The following NUDT19 variants were observed in gnomAD, a reference collection of about 807,000 sequenced individuals.
NUDT19 encodes the protein acyl-coenzyme A diphosphatase NUDT19.
In NUDT19, 31 loss-of-function variants were observed where a neutral mutation model predicts 22.2. That is an observed-to-expected ratio of 1.40 (90% CI 1.05 to 1.89). The LOEUF (loss-of-function observed/expected upper bound fraction) is 1.89. NUDT19 is among the 40% of genes most tolerant of loss of function. NUDT19 has a pLI of 0.00. For missense variants in NUDT19, 752 were observed against 514.2 expected, an observed-to-expected ratio of 1.46 and a Z score of -4.47; for synonymous variants, 325 against 230.8, an observed-to-expected ratio of 1.41 and a Z score of -3.70.
chr19:32,692,174 C>A lies in NUDT19; in HGVS notation c.214C>A (p.Arg72Ser), dbSNP rs758690356. The part of the protein sequence containing the change: ...FSGGVLDAAD[R>S]SADWLGLFAP... ...CGGCGGAGTGCTGGATGCGGCCGAC[C>A]GCTCGGCGGACTGGCTGGGCCTCTT... is the stretch of plus-strand genomic sequence containing the variant. The change falls in exon 1 of 3, where the codon CGC becomes AGC. Residue 72 changes from arginine (R) to serine (S), a missense_variant. Physicochemically the swap from Arg to Ser is moderately radical, Grantham distance 110. Transcript: ENST00000397061. The A allele has an allele frequency of 1.3e-6, 2 of 1,542,124 alleles. No individual in the cohort carries two copies. Among genetic ancestry groups the A allele is most frequent in the African/African-American group, 1.4e-5 (1 of 70,616 alleles).
chr19:32,692,732 C>A (rs1434992017), intron 1 of NUDT19, 58 bp downstream of exon 1: 1 of 1,309,142 alleles, frequency 7.6e-7, no homozygotes, highest in East Asian at 2.9e-5. Flanking sequence ...GAGGACCCCT[C>A]CCAGCGGCCC....
In NUDT19 at chr19:32,692,013, T is replaced by A; in HGVS notation, c.53T>A (p.Ile18Asn). The A allele has an allele frequency of 8.0e-7, 1 of 1,250,270 alleles. No individual in the cohort carries two copies. The highest frequency in any genetic ancestry group is 1.0e-6 in the Non-Finnish European group (1 of 1,001,378). The allele number at this position is 1,250,270 out of a possible 1,614,324, so 77.4% of individuals were successfully genotyped here. ...GPSRWRRAAS[I>N]VLAAGWSRPE... The stretch of plus-strand genomic sequence containing the variant: ...AGCCGCTGGCGGCGGGCGGCCAGCA[T>A]CGTCCTGGCGGCTGGCTGGTCGCGC... The change falls in exon 1 of 3, where the codon ATC (isoleucine) becomes AAC (asparagine). Residue 18 changes from isoleucine to asparagine, a missense_variant. Coordinates refer to ENST00000397061, the MANE Select transcript of NUDT19 (RefSeq NM_001105570.2).
chr19:32,706,651 C>G (rs1444915335), intron 1 of NUDT19, among the ~76,000 whole-genome samples: 1 of 152,076 alleles, frequency 6.6e-6, no homozygotes, highest in African/African-American at 2.4e-5. Flanking sequence ...CCATTGCACT[C>G]CAGCCTGGGT....
chr19:32,709,144 A>G (rs1275832395), intron 1 of NUDT19, 41 bp from the exon 2 acceptor site: 6 of 1,369,936 alleles, frequency 4.4e-6, no homozygotes, highest in African/African-American at 2.9e-5. Flanking sequence ...CACATTGTCT[A>G]TGGCATAAAC....
chr19:32,709,400 A>G lies in NUDT19; in HGVS notation c.922+8A>G, dbSNP rs764283184. The G allele has an allele frequency of 6.2e-7, 1 of 1,612,112 alleles. No individual in the cohort carries two copies. Among genetic ancestry groups the G allele is most frequent in the East Asian group, 2.2e-5 (1 of 44,862 alleles). ...TGGTCCATCTTTTACCAGGTAAACC[A>G]GTGAAGCATCGGTGCTTTTGTTAGT... is the stretch of plus-strand genomic sequence containing the variant. On this transcript the variant is annotated splice_region_variant and intron_variant, in intron 2 of 2. Transcript: ENST00000397061.
chr19:32,700,309 T>C (rs1968320813), intron 1 of NUDT19, among the ~76,000 whole-genome samples: 1 of 152,244 alleles, frequency 6.6e-6, no homozygotes, highest in Non-Finnish European at 1.5e-5. Flanking sequence ...TGCTAATTGG[T>C]GTATTTACAA....
At position 32,701,199 on chromosome 19, in the gene NUDT19, GT is replaced by G. The variant is rs3042685; in HGVS notation, c.715-7962del. Among the ~76,000 whole-genome samples the G allele has an allele frequency of 7.0e-3, 709 of 100,986 alleles. 3 individuals carry two copies. Among genetic ancestry groups the G allele is most frequent in the African/African-American group, 0.023 (569 of 25,254 alleles). The allele number at this position is 100,986 out of a possible 152,430, so 66.3% of individuals were successfully genotyped here. The stretch of plus-strand genomic sequence containing the variant: ...TTGAGTTGTTCATAGCATCTTGCAG[GT>G]TTTTTTTTTTTTTTTTTTTTTTTGA... On this transcript the variant is annotated intron_variant, in intron 1 of 2. Transcript: ENST00000397061.
rs1484881931 is a variant in NUDT19, at chr19:32,692,310, C to G, written c.350C>G (p.Thr117Arg). 15 of 1,593,036 alleles carry G rather than the reference C, an allele frequency of 9.4e-6. No individual in the cohort carries two copies. The highest frequency in any genetic ancestry group is 1.3e-5 in the Non-Finnish European group (15 of 1,177,712). The change falls in exon 1 of 3, where the codon ACG (threonine) becomes AGG (arginine). Residue 117 changes from threonine (T) to arginine (R), a missense_variant. Coordinates refer to ENST00000397061, the MANE Select transcript of NUDT19 (RefSeq NM_001105570.2). The stretch of plus-strand genomic sequence containing the variant: ...GACCACAAGACCGACAACACTGGGA[C>G]GCTGCCTGAGGACGTAGCCTTCCGC... ...TDDHKTDNTGTLPEDVAFRIC... is the reference protein window; with the variant it reads ...TDDHKTDNTGRLPEDVAFRIC...
chr19:32,705,898 C>T (rs528801086), intron 1 of NUDT19, among the ~76,000 whole-genome samples: 2 of 152,068 alleles, frequency 1.3e-5, no homozygotes, highest in Non-Finnish European at 2.9e-5. Flanking sequence ...AGCTGCACTT[C>T]TAAATGTATG....
chr19:32,709,097 G>T, intron 1 of NUDT19, 88 bp from the exon 2 acceptor site: 1 of 860,756 alleles, frequency 1.2e-6, no homozygotes, highest in South Asian at 1.4e-5. Context: ...TACACATTCA[G>T]TTCTACCTTA....
chr19:32,692,006 G>A lies in NUDT19; in HGVS notation c.46G>A (p.Ala16Thr). Residue 16 changes from alanine (A) to threonine (T), a missense_variant, in exon 1 of 3, where the codon GCC becomes ACC. Transcript: ENST00000397061. ...GGGCCCCAGCCGCTGGCGGCGGGCG[G>A]CCAGCATCGTCCTGGCGGCTGGCTG... ...RPGPSRWRRA[A>T]SIVLAAGWSR... 1 of 1,244,268 alleles carries A rather than the reference G, an allele frequency of 8.0e-7. No homozygotes were observed. Among genetic ancestry groups the A allele is most frequent in the Non-Finnish European group, 1.0e-6 (1 of 997,474 alleles). The allele number at this position is 1,244,268 out of a possible 1,614,324, so 77.1% of individuals were successfully genotyped here. A position where few individuals can be genotyped will look rare whatever the true frequency, so the allele number is the denominator to read the frequency against.
Position 32,707,908 on chromosome 19 carries a change from G to A in NUDT19, c.715-1277G>A, listed in dbSNP as rs560284507. 2.0e-5 allele frequency among the ~76,000 whole-genome samples: 3 copies of A among 151,632 alleles called. No homozygotes were observed. The South Asian group carries it at 6.3e-4, about 32-fold the overall frequency. On this transcript the variant is annotated intron_variant, in intron 1 of 2. Transcript: ENST00000397061. ...CAGGAGAATGGCATGAACCCAGGAGGCAGAGCTTGCAGTGAGCTGAGATCA... is the reference window on the plus strand; with the variant it reads ...CAGGAGAATGGCATGAACCCAGGAGACAGAGCTTGCAGTGAGCTGAGATCA...
chr19:32,709,355 C>A lies in NUDT19; in HGVS notation c.885C>A (p.Ile295=), dbSNP rs527537163. The A allele has an allele frequency of 6.2e-7, 1 of 1,614,188 alleles. No individual in the cohort carries two copies. Among genetic ancestry groups the A allele is most frequent in the East Asian group, 2.2e-5 (1 of 44,886 alleles). Residue 295 remains isoleucine, a synonymous_variant, in exon 2 of 3, where the codon ATC becomes ATA. Coordinates refer to ENST00000397061, the MANE Select transcript of NUDT19 (RefSeq NM_001105570.2). The part of the protein sequence containing the change: ...LEGLERWLPI[I]LLTADGMVHL... ...GACTGGAAAGGTGGCTGCCGATCAT[C>A]TTGTTAACTGCTGATGGGATGGTCC...
chr19:32,696,067 C>T (rs1042707440), intron 1 of NUDT19, among the ~76,000 whole-genome samples: 15 of 152,118 alleles, frequency 9.9e-5, no homozygotes, highest in Admixed American at 2.0e-4. Context: ...TCCTTTCAGG[C>T]GGCATAAGTC....
chr19:32,692,485 G>A lies in NUDT19; in HGVS notation c.525G>A (p.Pro175=), dbSNP rs569908996. ...GGCGCGACCGCGTGCGCCAGGACCC[G>A]CGCCACTTCCTGCGGCTGTGCGCCC... is the stretch of plus-strand genomic sequence containing the variant. ...ASWRDRVRQD[P]RHFLRLCAHL... Residue 175 remains proline (P), a synonymous_variant, in exon 1 of 3, where the codon CCG becomes CCA. Transcript: ENST00000397061. 20 of 1,553,810 alleles carry A rather than the reference G, an allele frequency of 1.3e-5. No individual in the cohort carries two copies. The African/African-American group carries it at 2.0e-4, about 15-fold the overall frequency.
intron 2 of NUDT19, among the ~76,000 whole-genome samples, chr19:32,710,402 C>G (rs1339015268): frequency 2.9e-5 from 4 of 138,072 alleles, no homozygotes; most frequent in Non-Finnish European, 6.1e-5. Context: ...AATGTTAACT[C>G]TATCTCAACT....
Position 32,692,423 on chromosome 19 carries a change from G to A in NUDT19, c.463G>A (p.Gly155Ser), listed in dbSNP as rs766150799. 6.4e-7 allele frequency: 1 copy of A among 1,556,156 alleles called. No individual in the cohort carries two copies. The highest frequency in any genetic ancestry group is 8.6e-7 in the Non-Finnish European group (1 of 1,158,218). Residue 155 changes from glycine to serine, a missense_variant, in exon 1 of 3, where the codon GGC becomes AGC. Transcript: ENST00000397061. ...CCCACCAGGCCCAGCACCCGGGCCT[G>A]GCCTCGCCCTGGAGCCACCGCCGGG... is the stretch of plus-strand genomic sequence containing the variant. ...TSPPGPAPGP[G>S]LALEPPPGLA...
intron 1 of NUDT19, among the ~76,000 whole-genome samples, chr19:32,706,284 C>T (rs1407821988): frequency 6.6e-6 from 1 of 152,046 alleles, no homozygotes; most frequent in Admixed American, 6.6e-5. Flanking sequence ...TTTGAGTTAC[C>T]CTCAGTCAAC....
In NUDT19 at chr19:32,692,280, C is replaced by T. The variant is rs766720164; in HGVS notation, c.320C>T (p.Thr107Ile). The change falls in exon 1 of 3, where the codon ACC becomes ATC. Residue 107 changes from threonine to isoleucine, a missense_variant. Thr to Ile is a moderately conservative substitution (Grantham distance 89). Transcript: ENST00000397061. ...ACCGCTTTCCCGTCGCTGCCCGACA[C>T]CGATGACCACAAGACCGACAACACT... ...SRTAFPSLPDTDDHKTDNTGT... is the reference protein window; with the variant it reads ...SRTAFPSLPDIDDHKTDNTGT... The T allele has an allele frequency of 1.9e-6, 3 of 1,593,028 alleles. No homozygotes were observed. The highest frequency in any genetic ancestry group is 2.5e-6 in the Non-Finnish European group (3 of 1,177,776).
Sources: gnomAD v4.1 joint callset for allele counts (sites outside exome capture counted in the v4.1 genomes callset) on GRCh38, gnomAD v4.1.1 for gene constraint, MANE v1.5 for transcripts, NCBI Gene and HGNC (gene_info 2026-07-23, HGNC 2026-07-21) for gene names.